Variants in CUEDC1 observed in about 807,000 individuals in gnomAD.
CUEDC1 encodes the protein CUE domain containing 1, also known as CUE domain-containing protein 1.
In CUEDC1, 30 loss-of-function variants were observed where a neutral mutation model predicts 43.7. That is an observed-to-expected ratio of 0.69 (90% CI 0.51 to 0.93). The LOEUF is 0.93. Ranked by LOEUF, CUEDC1 falls within the 40% of genes least tolerant of loss-of-function variation. The probability of loss-of-function intolerance (pLI) is 0.00; values close to 1 mark genes in which losing one functional copy is unlikely to be tolerated. For missense variants in CUEDC1, 486 were observed against 549.0 expected, an observed-to-expected ratio of 0.89 and a Z score of 1.15; for synonymous variants, 223 against 223.6, an observed-to-expected ratio of 1.00 and a Z score of 0.02.
chr17:57,917,019 T>C lies in CUEDC1; in HGVS notation c.-315-31140A>G, dbSNP rs536771785. Among the ~76,000 whole-genome samples, 3 of 152,132 alleles carry C rather than the reference T, an allele frequency of 2.0e-5. No individual in the cohort carries two copies. The South Asian group carries it at 6.2e-4, about 32-fold the overall frequency. On this transcript the variant is annotated intron_variant, in intron 1 of 10. Coordinates refer to ENST00000577830, the MANE Select transcript of CUEDC1 (RefSeq NM_001271875.2). ...AGAGGCCCACAAGAAAATGGAGACG[T>C]GGTGACTTTAGAAGAGAAAGGTGAG...
intron 1 of CUEDC1, among the ~76,000 whole-genome samples, chr17:57,943,934 C>A (rs534223491): frequency 6.6e-6 from 1 of 152,132 alleles, no homozygotes; most frequent in Non-Finnish European, 1.5e-5. Context: ...AATAAGAATC[C>A]TAACGCTACA....
At chr17:57,883,838 G>A (rs1402089300) in intron 2 of CUEDC1, among the ~76,000 whole-genome samples, 2 of 152,174 alleles carry the variant, frequency 1.3e-5, no homozygotes, top group Admixed American at 1.3e-4. Flanking sequence ...GCTGGGTCCT[G>A]GTCTTGTCCA....
rs539658028 is a variant in CUEDC1 at position 57,866,523 on chromosome 17, C to T, written c.1115G>A (p.Arg372His). ...HACDEDFRGR[R>H]QEAPKVEEGL... Reference sequence around the variant, plus strand: ...TTCCTCCACCTTGGGTGCCTCCTGACGCCTGCCCCGGAAGTCTTCATCTGA... The same window carrying T: ...TTCCTCCACCTTGGGTGCCTCCTGATGCCTGCCCCGGAAGTCTTCATCTGA... The change falls in exon 10 of 11, where the codon CGT (arginine) becomes CAT (histidine). Residue 372 changes from arginine to histidine, a missense_variant. Coordinates refer to ENST00000577830, the MANE Select transcript of CUEDC1 (RefSeq NM_001271875.2). The T allele has an allele frequency of 3.0e-5, 49 of 1,614,086 alleles. No homozygotes were observed. Among genetic ancestry groups the T allele is most frequent in the South Asian group, 5.5e-5 (5 of 91,092 alleles).
Position 57,868,338 on chromosome 17 carries a change from C to A in CUEDC1, c.941-95G>T, listed in dbSNP as rs1003339128. 839 of 1,113,888 alleles carry A rather than the reference C, an allele frequency of 7.5e-4. 10 individuals carry two copies. Among genetic ancestry groups the A allele is most frequent in the Non-Finnish European group, 1.3e-4 (96 of 732,118 alleles). 69.0% of individuals were successfully genotyped at this position (1,113,888 alleles called of 1,614,324 possible). On this transcript the variant is annotated intron_variant, in intron 7 of 10. Transcript: ENST00000577830. ...GGGAAAGGCCAGGGGAGGACCAAGG[C>A]CCCCCGGAGAGGGAGCAGGGGGCAG...
chr17:57,919,231 G>A (rs2074675943), intron 1 of CUEDC1, among the ~76,000 whole-genome samples: 1 of 151,980 alleles, frequency 6.6e-6, no homozygotes. Flanking sequence ...CCAGGCTGGA[G>A]TACAATGGCG....
At chr17:57,892,524 G>T (rs1451607992) in intron 1 of CUEDC1, 1 of 152,356 alleles carries the variant, frequency 6.6e-6, no homozygotes, top group South Asian at 2.1e-4. Context: ...TGCACCCCAG[G>T]CTCCCTCCTC....
chr17:57,875,407 T>C (rs571999789), intron 3 of CUEDC1, among the ~76,000 whole-genome samples: 85 of 152,286 alleles, frequency 5.6e-4, no homozygotes, highest in African/African-American at 1.9e-3. Context: ...CTGAGTTTCC[T>C]TGCTGCTAGG....
chr17:57,876,136 T>C (rs866307134), intron 3 of CUEDC1, among the ~76,000 whole-genome samples: 26 of 152,170 alleles, frequency 1.7e-4, no homozygotes, highest in African/African-American at 6.3e-4. Flanking sequence ...AAAGGAAGAT[T>C]CCTAAAACAC....
chr17:57,881,884 C>T (rs564916775), intron 2 of CUEDC1, among the ~76,000 whole-genome samples: 76 of 152,194 alleles, frequency 5.0e-4, no homozygotes, highest in Non-Finnish European at 9.4e-4. Flanking sequence ...AGAAGACAGG[C>T]GGCCGGCCAG....
At chr17:57,951,705 C>T (rs1053408434) in intron 1 of CUEDC1, among the ~76,000 whole-genome samples, 7 of 152,038 alleles carry the variant, frequency 4.6e-5, no homozygotes, top group African/African-American at 9.7e-5. Flanking sequence ...GTGATCCACC[C>T]GCCTCAGCCT....
intron 1 of CUEDC1, among the ~76,000 whole-genome samples, chr17:57,905,972 T>C (rs1363187162): frequency 6.6e-6 from 1 of 152,196 alleles, no homozygotes; most frequent in Non-Finnish European, 1.5e-5. Context: ...TAAAGTTCAT[T>C]GTTGGTGGCA....
intron 3 of CUEDC1, among the ~76,000 whole-genome samples, chr17:57,874,806 C>A (rs1194193571): frequency 2.6e-5 from 4 of 151,796 alleles, no homozygotes; most frequent in East Asian, 1.9e-4. Flanking sequence ...TCCGGGCTGC[C>A]GCTGACTATG....
chr17:57,910,656 AAAGAG>A (rs1475121881), intron 1 of CUEDC1, among the ~76,000 whole-genome samples: 2 of 151,944 alleles, frequency 1.3e-5, no homozygotes, highest in East Asian at 1.9e-4. Context: ...GGAAAGGAAA[AAAGAG>A]AAGAAAAGAA....
At chr17:57,950,924 C>G (rs1427727603) in intron 1 of CUEDC1, among the ~76,000 whole-genome samples, 1 of 152,192 alleles carries the variant, frequency 6.6e-6, no homozygotes. Context: ...CTCACCCCTC[C>G]CCCAGCTTAC....
intron 1 of CUEDC1, chr17:57,912,627 A>G (rs528707168): frequency 1.3e-5 from 2 of 150,658 alleles, no homozygotes; most frequent in South Asian, 4.2e-4. Context: ...TAGTAAAGCC[A>G]AAAAAAAAGA....
intron 1 of CUEDC1, among the ~76,000 whole-genome samples, chr17:57,944,208 A>AT (rs1183219658): frequency 2.8e-5 from 4 of 140,352 alleles, no homozygotes; most frequent in Non-Finnish European, 6.2e-5. Flanking sequence ...TTATATATAT[A>AT]TATTTTTTTT....
chr17:57,885,469 C>A lies in CUEDC1; in HGVS notation c.96G>T (p.Glu32Asp). 1 of 1,586,378 alleles carries A rather than the reference C, an allele frequency of 6.3e-7. No individual in the cohort carries two copies. The highest frequency in any genetic ancestry group is 8.5e-7 in the Non-Finnish European group (1 of 1,170,284). The part of the protein sequence containing the change: ...GGGGGTAAPQ[E>D]LNNSRPARQV... ...GGCGGGCAGGCCGGCTGTTGTTGAG[C>A]TCCTGGGGGGCGGCCGTGCCTCCCC... Residue 32 changes from glutamate (E) to aspartate (D), a missense_variant, in exon 2 of 11, where the codon GAG becomes GAT. Glu to Asp is a conservative substitution (Grantham distance 45). Transcript: ENST00000577830.
intron 1 of CUEDC1, among the ~76,000 whole-genome samples, chr17:57,919,121 G>A (rs1272065261): frequency 6.6e-6 from 1 of 152,144 alleles, no homozygotes; most frequent in Non-Finnish European, 1.5e-5. Flanking sequence ...CCAAACTGCT[G>A]AGATTACAGG....
At chr17:57,921,958 C>T (rs940758606) in intron 1 of CUEDC1, among the ~76,000 whole-genome samples, 27 of 152,070 alleles carry the variant, frequency 1.8e-4, no homozygotes, top group African/African-American at 5.1e-4. Flanking sequence ...ACTAAAGATA[C>T]AAAAATTAGC....
Sources: gnomAD v4.1 joint callset for allele counts (sites outside exome capture counted in the v4.1 genomes callset) on GRCh38, gnomAD v4.1.1 for gene constraint, MANE v1.5 for transcripts, NCBI Gene and HGNC (gene_info 2026-07-23, HGNC 2026-07-21) for gene names.